CLUH: variants seen among roughly 807,000 people sequenced by gnomAD.
The protein encoded by CLUH is CLUH binding protein of NUMT mRNA.
Under a neutral mutation model 139.3 loss-of-function variants are expected in CLUH, and 77 were observed. That is an observed-to-expected ratio of 0.55 (90% CI 0.46 to 0.67). The LOEUF (loss-of-function observed/expected upper bound fraction) is 0.67. Among genes scored for constraint, CLUH ranks in the 30% least tolerant of loss-of-function variants. The probability of loss-of-function intolerance (pLI) is 0.00; values close to 1 mark genes in which losing one functional copy is unlikely to be tolerated. For synonymous variants in CLUH, 999 were observed against 801.6 expected (o/e 1.25, Z -4.16); for missense variants, 1,876 against 1,875.8 (o/e 1.00, Z 0.00).
Position 2,696,917 on chromosome 17 carries a change from C to A in CLUH, c.1987G>T (p.Ala663Ser). Residue 663 changes from alanine (A) to serine (S), a missense_variant, in exon 11 of 26, where the codon GCC (alanine) becomes TCC (serine). This residue lies in a region of CLUH where 1,454 missense variants were observed against 1,384.4 expected (regional missense o/e 1.05). Transcript: ENST00000651024. ...HRYLLFMKLA[A>S]LQLMQQNASQ... Reference sequence around the variant, plus strand: ...GCGTTCTGCTGCATCAGCTGCAAGGCGGCCAGCTTCATAAAGAGGAGGTAC... The same window carrying A: ...GCGTTCTGCTGCATCAGCTGCAAGGAGGCCAGCTTCATAAAGAGGAGGTAC... 1 of 1,601,292 alleles carries A rather than the reference C, an allele frequency of 6.2e-7. No homozygotes were observed. Among genetic ancestry groups the A allele is most frequent in the African/African-American group, 1.3e-5 (1 of 74,790 alleles).
chr17:2,697,163 C>T (rs1027498987), intron 10 of CLUH, among the ~76,000 whole-genome samples: 17 of 152,020 alleles, frequency 1.1e-4, no homozygotes, highest in Non-Finnish European at 1.5e-4. Context: ...ACTTTGAGGA[C>T]GAGGCAGGCA....
At position 2,689,544 on chromosome 17, in the gene CLUH, CG is replaced by C. The variant is rs1354972957; in HGVS notation, c.*1049del. 6.5e-6 allele frequency: 1 copy of C among 152,824 alleles called. No homozygotes were observed. Among genetic ancestry groups the C allele is most frequent in the African/African-American group, 2.4e-5 (1 of 41,464 alleles). The allele number at this position is 152,824 out of a possible 1,614,324, so 9.5% of individuals were successfully genotyped here. A position where few individuals can be genotyped will look rare whatever the true frequency, so the allele number is the denominator to read the frequency against. ...TGTCTGGACGGACCACACCCATAAG[CG>C]GCTCTCCGCAAACCCAGGCAGACGC... On this transcript the variant is annotated 3_prime_UTR_variant, in exon 26 of 26. Coordinates refer to ENST00000651024, the MANE Select transcript of CLUH (RefSeq NM_001366661.1).
rs760995859 is a variant in CLUH, at chr17:2,692,394, T to G, written c.3527A>C (p.Tyr1176Ser). Residue 1176 changes from tyrosine to serine, a missense_variant, in exon 22 of 26, where the codon TAC becomes TCC. Physicochemically the swap from Tyr to Ser is moderately radical, Grantham distance 144. Around this residue, in one of 3 missense-constraint regions of CLUH, gnomAD observed 1,454 missense variants for 1,384.4 expected, o/e 1.05. Coordinates refer to ENST00000651024, the MANE Select transcript of CLUH (RefSeq NM_001366661.1). Reference protein sequence around the residue: ...LENALAVSTKYHGPKALKVAL... With the variant: ...LENALAVSTKSHGPKALKVAL... The stretch of plus-strand genomic sequence containing the variant: ...CACCTTGAGGGCCTTGGGCCCGTGG[T>G]ACTTGGTGCTGACGGCCAGCGCGTT... 19 of 1,595,082 alleles carry G rather than the reference T, an allele frequency of 1.2e-5. No individual in the cohort carries two copies. The highest frequency in any genetic ancestry group is 1.6e-5 in the Non-Finnish European group (19 of 1,177,706).
At position 2,693,904 on chromosome 17, in the gene CLUH, G is replaced by C; in HGVS notation, c.3227C>G (p.Ala1076Gly). The C allele has an allele frequency of 1.7e-5, 27 of 1,611,014 alleles. No individual in the cohort carries two copies. Among genetic ancestry groups the C allele is most frequent in the Non-Finnish European group, 2.3e-5 (27 of 1,178,682 alleles). The change falls in exon 19 of 26, where the codon GCA becomes GGA. Residue 1076 changes from alanine (A) to glycine (G), a missense_variant. Physicochemically the swap from Ala to Gly is moderately conservative, Grantham distance 60. This residue lies in a region of CLUH where 1,454 missense variants were observed against 1,384.4 expected (regional missense o/e 1.05). Transcript: ENST00000651024. ...ARLHYIMGDY[A>G]EALSNQQKAV... ...CTGCCACAGCCCAGAGGGTACCTCT[G>C]CGTAGTCGCCCATGATGTAGTGGAG...
At chr17:2,696,592 G>C in intron 11 of CLUH, 54 bp from the exon 12 acceptor site, 3 of 1,529,500 alleles carry the variant, frequency 2.0e-6, no homozygotes, top group Middle Eastern at 1.7e-4. Context: ...CGGTGGAGCT[G>C]GGCTGCGCCA....
Position 2,704,636 on chromosome 17 carries a change from C to A in CLUH, c.101-72G>T. On this transcript the variant is annotated intron_variant, in intron 1 of 25. Coordinates refer to ENST00000651024, the MANE Select transcript of CLUH (RefSeq NM_001366661.1). The surrounding 1 kb of genome is among the most constrained non-coding windows in gnomAD (Gnocchi z 5.7). ...GCGGGGCTGTCCGCCTGACCCCACA[C>A]GGGGACACGTGCCTTCTGGAAAGGC... The A allele has an allele frequency of 7.2e-7, 1 of 1,395,798 alleles. No individual in the cohort carries two copies. Among genetic ancestry groups the A allele is most frequent in the African/African-American group, 1.4e-5 (1 of 69,786 alleles). The allele number at this position is 1,395,798 out of a possible 1,614,324, so 86.5% of individuals were successfully genotyped here.
intron 23 of CLUH, 28 bp downstream of exon 23, chr17:2,691,976 C>CGCCA (rs1567576022): frequency 1.5e-5 from 8 of 548,008 alleles, no homozygotes; most frequent in African/African-American, 1.2e-4. Flanking sequence ...CGCCCCGCCC[C>CGCCA]CGCCCCCGCC....
Position 2,690,520 on chromosome 17 carries a change from G to A in CLUH, c.*74C>T, listed in dbSNP as rs2069579712. 1.5e-6 allele frequency: 2 copies of A among 1,308,728 alleles called. No homozygotes were observed. The highest frequency in any genetic ancestry group is 2.0e-6 in the Non-Finnish European group (2 of 1,003,262). The allele number at this position is 1,308,728 out of a possible 1,614,324, so 81.1% of individuals were successfully genotyped here. A position where few individuals can be genotyped will look rare whatever the true frequency, so the allele number is the denominator to read the frequency against. ...GGCCTTGCTTCCTCTTCCGCCCGCA[G>A]GCTCGCCCCCTTCTCCCGCAGTCGG... is the stretch of plus-strand genomic sequence containing the variant. On this transcript the variant is annotated 3_prime_UTR_variant, in exon 26 of 26. Transcript: ENST00000651024.
chr17:2,690,657 G>A lies in CLUH; in HGVS notation c.3984C>T (p.Ala1328=), dbSNP rs748442357. 4.5e-6 allele frequency: 7 copies of A among 1,539,974 alleles called. No homozygotes were observed. Among genetic ancestry groups the A allele is most frequent in the East Asian group, 2.5e-5 (1 of 39,958 alleles). The change falls in exon 26 of 26, where the codon GCC becomes GCT. Residue 1328 remains alanine, a synonymous_variant. Transcript: ENST00000651024. ...GGGGCTGGGAGCCCAGGTCTCCTGG[G>A]GCCCCCGCTGGCGCGGGCTCGGTAG... ...PMATEPAPAG[A]PGDLGSQPPA...
intron 1 of CLUH, among the ~76,000 whole-genome samples, chr17:2,710,296 T>A (rs1420150901): frequency 6.6e-6 from 1 of 152,226 alleles, no homozygotes; most frequent in Non-Finnish European, 1.5e-5. Context: ...GTTGGGGCGA[T>A]GAGCATCTGC....
intron 19 of CLUH, 142 bp from the exon 20 acceptor site, chr17:2,693,002 GGA>G (rs1491410225): frequency 2.8e-6 from 2 of 704,094 alleles, no homozygotes; most frequent in South Asian, 5.5e-5. Context: ...GCAGCAGGGG[GGA>G]GGGGGATCAG....
intron 3 of CLUH, 27 bp from the exon 4 acceptor site, chr17:2,702,084 C>T (rs2070206891): frequency 6.2e-7 from 1 of 1,609,154 alleles, no homozygotes; most frequent in South Asian, 1.1e-5. Flanking sequence ...GAGGGTATGG[C>T]GTTACCAGGG....
chr17:2,697,353 C>T (rs879433118), intron 10 of CLUH, among the ~76,000 whole-genome samples: 9 of 150,570 alleles, frequency 6.0e-5, no homozygotes, highest in Non-Finnish European at 1.3e-4. Flanking sequence ...GAGCCGGGAT[C>T]GTGCCATTGC....
intron 1 of CLUH, among the ~76,000 whole-genome samples, chr17:2,705,961 A>G (rs1597625819): frequency 6.6e-6 from 1 of 152,144 alleles, no homozygotes; most frequent in African/African-American, 2.4e-5. Context: ...CTAGGAGATG[A>G]GGACCTTGGC....
chr17:2,701,742 G>C lies in CLUH; in HGVS notation c.620-5C>G. The C allele has an allele frequency of 6.4e-7, 1 of 1,559,564 alleles. No individual in the cohort carries two copies. On this transcript the variant is annotated splice_polypyrimidine_tract_variant and splice_region_variant and intron_variant, in intron 4 of 25. Coordinates refer to ENST00000651024, the MANE Select transcript of CLUH (RefSeq NM_001366661.1). Reference sequence around the variant, plus strand: ...CCTTCTTCCGCTTCCCGCTGTCTGAGGGACCCGAGGCTGGTGGTCAGCACA... The same window carrying C: ...CCTTCTTCCGCTTCCCGCTGTCTGACGGACCCGAGGCTGGTGGTCAGCACA...
rs1395297207 is a variant in CLUH at position 2,692,081 on chromosome 17, G to C, written c.3577C>G (p.Arg1193Gly). Residue 1193 changes from arginine to glycine, a missense_variant, in exon 23 of 26, where the codon CGA becomes GGA. Transcript: ENST00000651024. ...AACTCAGCTTTGCTCTCGTAGACTCGGGCGACAAGGTGGTGGCTGCCGGGA... is the reference window on the plus strand; with the variant it reads ...AACTCAGCTTTGCTCTCGTAGACTCCGGCGACAAGGTGGTGGCTGCCGGGA... ...KVALSHHLVA[R>G]VYESKAEFRS... 6 of 1,602,660 alleles carry C rather than the reference G, an allele frequency of 3.7e-6. No individual in the cohort carries two copies. The highest frequency in any genetic ancestry group is 5.1e-6 in the Non-Finnish European group (6 of 1,175,686).
In CLUH at chr17:2,692,551, C is replaced by G. The variant is rs746125770; in HGVS notation, c.3438+20G>C. On this transcript the variant is annotated intron_variant, in intron 21 of 25. Transcript: ENST00000651024. ...TGGGATGGAGCTGGGTCCCTGCCGCCCCCCCGCCCCAGCACTCACGTCCAG... is the reference window on the plus strand; with the variant it reads ...TGGGATGGAGCTGGGTCCCTGCCGCGCCCCCGCCCCAGCACTCACGTCCAG... 5.6e-6 allele frequency: 9 copies of G among 1,605,184 alleles called. No individual in the cohort carries two copies. In the South Asian group the frequency reaches 6.6e-5, roughly 12 times the overall value.
intron 1 of CLUH, among the ~76,000 whole-genome samples, chr17:2,709,666 C>T (rs1045360099): frequency 2.7e-4 from 41 of 152,198 alleles, no homozygotes; most frequent in African/African-American, 9.6e-4. Context: ...CCCTTGCCCC[C>T]GACCCTCAAT....
intron 4 of CLUH, 34 bp from the exon 5 acceptor site, chr17:2,701,771 C>T: frequency 6.4e-7 from 1 of 1,555,340 alleles, no homozygotes; most frequent in Non-Finnish European, 8.7e-7. Context: ...CAGCACAGGG[C>T]CACCCAGGGC....
Sources: gnomAD v4.1 joint callset for allele counts (sites outside exome capture counted in the v4.1 genomes callset) on GRCh38, gnomAD v4.1.1 for gene constraint, gnomAD v4.1.1 regional missense constraint, Gnocchi (gnomAD v3.1) non-coding constraint, MANE v1.5 for transcripts, NCBI Gene and HGNC (gene_info 2026-07-23, HGNC 2026-07-21) for gene names.